Variants in RALYL observed in about 807,000 individuals in gnomAD.
RALYL encodes RNA-binding Raly-like protein.
Under a neutral mutation model 35.1 loss-of-function variants are expected in RALYL, and 29 were observed. The ratio of observed to expected loss-of-function variants is 0.83; its 90% CI spans 0.61 to 1.13. RALYL has a LOEUF of 1.13. Ranked by LOEUF, RALYL falls within the 50% of genes most tolerant of loss-of-function variation. The pLI is 0.00. For missense variants in RALYL, 359 were observed against 360.4 expected (o/e 1.00, Z 0.03); for synonymous variants, 120 against 127.6 (o/e 0.94, Z 0.40).
chr8:84,749,326 A>AT (rs56808126), intron 2 of RALYL, among the ~76,000 whole-genome samples: 41,272 of 151,708 alleles, frequency 0.27, 6,042 homozygotes, highest in African/African-American at 0.36. Context: ...GCTTGTACCA[A>AT]TTTTTTTTAT....
intron 2 of RALYL, among the ~76,000 whole-genome samples, chr8:84,706,605 G>C (rs1175573946): frequency 6.6e-6 from 1 of 152,080 alleles, no homozygotes; most frequent in African/African-American, 2.4e-5. Flanking sequence ...ATTCACTACA[G>C]GCACCATTTC....
intron 2 of RALYL, among the ~76,000 whole-genome samples, chr8:84,539,783 T>C (rs182203423): frequency 6.7e-6 from 1 of 149,276 alleles, no homozygotes; most frequent in Non-Finnish European, 1.5e-5. Context: ...CTCTTGTTTT[T>C]TAACTGCCCT....
At chr8:84,510,019 A>G (rs1312956548) in intron 1 of RALYL, among the ~76,000 whole-genome samples, 1 of 152,194 alleles carries the variant, frequency 6.6e-6, no homozygotes, top group Non-Finnish European at 1.5e-5. Context: ...AAAGTTAGGA[A>G]TCATTTTGTT....
At chr8:84,310,715 G>C (rs891635426) in intron 1 of RALYL, among the ~76,000 whole-genome samples, 16 of 152,156 alleles carry the variant, frequency 1.1e-4, no homozygotes, top group Non-Finnish European at 2.9e-5. Flanking sequence ...AGAATTTTTT[G>C]TAAGGCAGAA....
At chr8:84,390,171 C>G (rs1050946731) in intron 1 of RALYL, among the ~76,000 whole-genome samples, 1 of 152,146 alleles carries the variant, frequency 6.6e-6, no homozygotes, top group Non-Finnish European at 1.5e-5. Context: ...TTGAACCAGC[C>G]TTGCATCCCT....
In RALYL at chr8:84,640,667, A is replaced by T. The variant is rs1826120442; in HGVS notation, c.256+111090A>T. Among the ~76,000 whole-genome samples, 9 of 151,938 alleles carry T rather than the reference A, an allele frequency of 5.9e-5. No homozygotes were observed. The South Asian group carries it at 1.9e-3, about 31-fold the overall frequency. ...AACAATAGTTACAACTGGAGGAAAA[A>T]ACTTACAGAAGCTGATGAAAAAGCT... On this transcript the variant is annotated intron_variant, in intron 2 of 8. Transcript: ENST00000521268.
chr8:84,596,307 C>T (rs1487604484), intron 2 of RALYL, among the ~76,000 whole-genome samples: 1 of 152,070 alleles, frequency 6.6e-6, no homozygotes, highest in African/African-American at 2.4e-5. Context: ...TATTTTAGCT[C>T]TTCAATTGTG....
rs577859455 is a variant in RALYL at position 84,755,276 on chromosome 8, CTTT to C, written c.257-19300_257-19298del. Reference sequence around the variant, plus strand: ...TATGTCTCACAAACCAAATAGCAGTCTTTTTGTATATACATGGTAGGAAAATTG... The same window carrying C: ...TATGTCTCACAAACCAAATAGCAGTCTTGTATATACATGGTAGGAAAATTG... On this transcript the variant is annotated intron_variant, in intron 2 of 8. Transcript: ENST00000521268. Among the ~76,000 whole-genome samples, 190 of 152,248 alleles carry C rather than the reference CTTT, an allele frequency of 1.2e-3. 1 individual carries two copies. Among genetic ancestry groups the C allele is most frequent in the African/African-American group, 3.6e-3 (148 of 41,560 alleles).
intron 8 of RALYL, among the ~76,000 whole-genome samples, chr8:84,890,615 G>A (rs1375190326): frequency 2.6e-5 from 4 of 152,104 alleles, no homozygotes; most frequent in African/African-American, 9.7e-5. Context: ...TATGCTGAAG[G>A]GGGCTCTAGG....
chr8:84,859,929 A>G (rs967691106), intron 5 of RALYL, among the ~76,000 whole-genome samples: 6 of 152,170 alleles, frequency 3.9e-5, no homozygotes, highest in Non-Finnish European at 5.9e-5. Context: ...GCCACTCACC[A>G]TAGGAATTTA....
chr8:84,765,980 A>C (rs116056716), intron 2 of RALYL, among the ~76,000 whole-genome samples: 1,619 of 152,308 alleles, frequency 0.011, 39 homozygotes, highest in African/African-American at 0.037. Flanking sequence ...TTTCCATATC[A>C]AAGTTAAATA....
intron 4 of RALYL, among the ~76,000 whole-genome samples, chr8:84,816,716 A>G (rs1827384008): frequency 6.6e-6 from 1 of 152,182 alleles, no homozygotes; most frequent in African/African-American, 2.4e-5. Context: ...GGGTGACTAT[A>G]GTCAATAATA....
At chr8:84,870,089 A>T (rs1839922826) in intron 6 of RALYL, among the ~76,000 whole-genome samples, 1 of 152,156 alleles carries the variant, frequency 6.6e-6, no homozygotes, top group Non-Finnish European at 1.5e-5. Context: ...GCCTAAAAAT[A>T]AGCTAAAGTA....
intron 1 of RALYL, among the ~76,000 whole-genome samples, chr8:84,325,186 C>G (rs192594773): frequency 1.4e-3 from 209 of 152,312 alleles, no homozygotes; most frequent in African/African-American, 4.6e-3. Context: ...CACCTCACAA[C>G]TTGCTCTCAG....
chr8:84,219,025 CT>C (rs1821532175), intron 1 of RALYL, among the ~76,000 whole-genome samples: 1 of 152,002 alleles, frequency 6.6e-6, no homozygotes, highest in South Asian at 2.1e-4. Flanking sequence ...TTAGTGCCCT[CT>C]TGGATAATGT....
intron 1 of RALYL, among the ~76,000 whole-genome samples, chr8:84,423,899 G>C (rs1246950841): frequency 6.6e-6 from 1 of 151,576 alleles, no homozygotes. Flanking sequence ...CTGGCTTGTA[G>C]GGTTTCTGCC....
At chr8:84,690,250 A>T (rs1837751680) in intron 2 of RALYL, among the ~76,000 whole-genome samples, 1 of 152,158 alleles carries the variant, frequency 6.6e-6, no homozygotes, top group South Asian at 2.1e-4. Flanking sequence ...TATTTAGAGG[A>T]CATGATGCTA....
intron 1 of RALYL, among the ~76,000 whole-genome samples, chr8:84,240,100 C>CTGTT (rs1348860010): frequency 1.3e-5 from 2 of 152,036 alleles, no homozygotes; most frequent in Non-Finnish European, 2.9e-5. Flanking sequence ...TTATTTGTCA[C>CTGTT]TGTTTGACAA....
intron 2 of RALYL, among the ~76,000 whole-genome samples, chr8:84,663,511 C>T: frequency 6.6e-6 from 1 of 152,100 alleles, no homozygotes; most frequent in East Asian, 1.9e-4. Context: ...TAATAATAGC[C>T]ATTCTGACTG....
Sources: allele counts gnomAD v4.1 joint callset (sites outside exome capture counted in the v4.1 genomes callset), GRCh38; gene constraint gnomAD v4.1.1; transcripts MANE v1.5; gene names NCBI Gene and HGNC (gene_info 2026-07-23, HGNC 2026-07-21).